The following MARCHF4 variants were observed in gnomAD, a reference collection of about 807,000 sequenced individuals.
MARCHF4 encodes the protein E3 ubiquitin-protein ligase MARCHF4.
Under a neutral mutation model 43.9 loss-of-function variants are expected in MARCHF4, and 14 were observed. The observed-to-expected ratio is 0.32, with a 90% confidence interval of 0.21 to 0.50. The LOEUF (loss-of-function observed/expected upper bound fraction) is 0.50, where lower values mean the gene tolerates loss of function less well. MARCHF4 is among the 20% of genes least tolerant of loss of function. The pLI, the probability that MARCHF4 is intolerant of heterozygous loss-of-function variation, is 0.98. For synonymous variants in MARCHF4, 226 were observed against 213.3 expected, an observed-to-expected ratio of 1.06 and a Z score of -0.52; for missense variants, 468 against 536.7, an observed-to-expected ratio of 0.87 and a Z score of 1.27.
intron 1 of MARCHF4, among the ~76,000 whole-genome samples, chr2:216,320,605 CTTTTTCTTTCTTTCTT>C: frequency 7.2e-6 from 1 of 138,516 alleles, no homozygotes; most frequent in South Asian, 2.5e-4. Context: ...GCTATAGCCT[CTTTTTCTTTCTTTCTT>C]TCTTTCTTTC....
chr2:216,285,713 C>T (rs1691208528), intron 1 of MARCHF4, among the ~76,000 whole-genome samples: 1 of 152,074 alleles, frequency 6.6e-6, no homozygotes, highest in Non-Finnish European at 1.5e-5. Context: ...TGAGGAGCTG[C>T]TATATGACTC....
At chr2:216,339,020 C>A (rs1692198497) in intron 1 of MARCHF4, among the ~76,000 whole-genome samples, 1 of 152,136 alleles carries the variant, frequency 6.6e-6, no homozygotes, top group South Asian at 2.1e-4. Flanking sequence ...GTGTTCCTAC[C>A]TCTTGGCTGT....
At chr2:216,308,124 G>A (rs1691619643) in intron 1 of MARCHF4, among the ~76,000 whole-genome samples, 1 of 152,120 alleles carries the variant, frequency 6.6e-6, no homozygotes, top group Non-Finnish European at 1.5e-5. Context: ...CAAAAAGGCT[G>A]GGTGCGGTAG....
At chr2:216,299,052 C>T (rs1395902530) in intron 1 of MARCHF4, among the ~76,000 whole-genome samples, 1 of 152,166 alleles carries the variant, frequency 6.6e-6, no homozygotes, top group Non-Finnish European at 1.5e-5. Flanking sequence ...GGGCAACTGT[C>T]AACATCACCA....
chr2:216,301,120 G>T (rs565008582), intron 1 of MARCHF4, among the ~76,000 whole-genome samples: 1 of 152,294 alleles, frequency 6.6e-6, no homozygotes, highest in African/African-American at 2.4e-5. Flanking sequence ...GAATGGAATA[G>T]AATTTTAATT....
Position 216,371,700 on chromosome 2 carries a change from G to C in MARCHF4, c.-1440C>G, listed in dbSNP as rs1043235639. ...GAGGCGAGGCCGGCGTGGGGGTGGG[G>C]GCGGCTGGGGAGTGAGGAGGGGGAG... On this transcript the variant is annotated 5_prime_UTR_variant, in exon 1 of 4. Coordinates refer to ENST00000273067, the MANE Select transcript of MARCHF4 (RefSeq NM_020814.3). The C allele has an allele frequency of 3.3e-5, 5 of 152,486 alleles. No homozygotes were observed. Among genetic ancestry groups the C allele is most frequent in the African/African-American group, 1.2e-4 (5 of 41,474 alleles). 9.4% of individuals were successfully genotyped at this position (152,486 alleles called of 1,614,324 possible). A position where few individuals can be genotyped will look rare whatever the true frequency, so the allele number is the denominator to read the frequency against.
intron 1 of MARCHF4, among the ~76,000 whole-genome samples, chr2:216,330,525 A>G (rs1692068567): frequency 6.6e-6 from 1 of 152,208 alleles, no homozygotes; most frequent in South Asian, 2.1e-4. Context: ...TGACCTACAG[A>G]TGCATACAAA....
intron 1 of MARCHF4, among the ~76,000 whole-genome samples, chr2:216,298,347 C>G (rs1691431340): frequency 7.0e-6 from 1 of 142,700 alleles, no homozygotes; most frequent in African/African-American, 2.6e-5. Flanking sequence ...CTCACTGCAG[C>G]CTTGACCTCG....
At chr2:216,297,015 A>G (rs1691407237) in intron 1 of MARCHF4, among the ~76,000 whole-genome samples, 1 of 151,970 alleles carries the variant, frequency 6.6e-6, no homozygotes, top group Admixed American at 6.6e-5. Flanking sequence ...TTCTTTTCAC[A>G]CCTCTCAAGG....
chr2:216,281,536 G>C (rs947999739), intron 2 of MARCHF4, among the ~76,000 whole-genome samples: 1 of 152,216 alleles, frequency 6.6e-6, no homozygotes, highest in South Asian at 2.1e-4. Flanking sequence ...ATCCAGCTGG[G>C]CTGGGGCATA....
chr2:216,292,740 C>T (rs776363953), intron 1 of MARCHF4, among the ~76,000 whole-genome samples: 41 of 151,924 alleles, frequency 2.7e-4, no homozygotes, highest in Non-Finnish European at 4.6e-4. Flanking sequence ...AAGGGTTCGG[C>T]GGGGGAGGAG....
chr2:216,286,923 G>C (rs1438940270), intron 1 of MARCHF4, among the ~76,000 whole-genome samples: 5 of 152,134 alleles, frequency 3.3e-5, no homozygotes. Context: ...ATGAATTCTC[G>C]CCCCCTCTAC....
At chr2:216,274,522 C>T (rs1484852180) in intron 3 of MARCHF4, among the ~76,000 whole-genome samples, 1 of 149,738 alleles carries the variant, frequency 6.7e-6, no homozygotes, top group East Asian at 1.9e-4. Flanking sequence ...GAATACTGCA[C>T]AGAAGGAGAA....
chr2:216,326,718 A>T (rs576246762), intron 1 of MARCHF4, among the ~76,000 whole-genome samples: 36 of 152,020 alleles, frequency 2.4e-4, no homozygotes, highest in Admixed American at 1.4e-3. Context: ...AGAACAAAAA[A>T]CCAAACACCG....
In MARCHF4 at chr2:216,355,583, C is replaced by T. The variant is rs115219341; in HGVS notation, c.516+14162G>A. Among the ~76,000 whole-genome samples, 623 of 152,276 alleles carry T rather than the reference C, an allele frequency of 4.1e-3. 2 individuals are homozygous for T. The highest frequency in any genetic ancestry group is 0.014 in the African/African-American group (587 of 41,562). ...AGTGGATTTTTTGTTGTTGTTTGGT[C>T]TTTGGTTGGGGGTGGAAAGTCCTTG... On this transcript the variant is annotated intron_variant, in intron 1 of 3. Coordinates refer to ENST00000273067, the MANE Select transcript of MARCHF4 (RefSeq NM_020814.3).
At chr2:216,271,952 G>A (rs1365611029) in intron 3 of MARCHF4, among the ~76,000 whole-genome samples, 2 of 131,824 alleles carry the variant, frequency 1.5e-5, no homozygotes, top group East Asian at 4.1e-4. Flanking sequence ...CACCACACCT[G>A]GCTAATTTTT....
intron 1 of MARCHF4, among the ~76,000 whole-genome samples, chr2:216,319,306 TAAAAC>T (rs759192528): frequency 9.2e-5 from 14 of 151,992 alleles, no homozygotes; most frequent in Admixed American, 5.9e-4. Flanking sequence ...AGATTCCATC[TAAAAC>T]AAAACAAAAC....
chr2:216,317,663 C>T (rs1444684070), intron 1 of MARCHF4, among the ~76,000 whole-genome samples: 1 of 152,196 alleles, frequency 6.6e-6, no homozygotes, highest in Non-Finnish European at 1.5e-5. Flanking sequence ...ATCCACCCCC[C>T]TTGGCCTCCC....
chr2:216,320,169 G>T (rs901289666), intron 1 of MARCHF4, among the ~76,000 whole-genome samples: 2 of 152,286 alleles, frequency 1.3e-5, no homozygotes, highest in South Asian at 4.1e-4. Flanking sequence ...AAACAAACCC[G>T]TAAACTATAT....
Sources: allele counts gnomAD v4.1 joint callset (sites outside exome capture counted in the v4.1 genomes callset), GRCh38; gene constraint gnomAD v4.1.1; transcripts MANE v1.5; gene names NCBI Gene and HGNC (gene_info 2026-07-23, HGNC 2026-07-21).